Variants in KIF21A observed in about 807,000 individuals in gnomAD.
KIF21A encodes kinesin-like protein KIF21A.
KIF21A carries 114 observed loss-of-function variants against 202.9 expected under a neutral mutation model. The ratio of observed to expected loss-of-function variants is 0.56; its 90% CI spans 0.48 to 0.66. KIF21A has a LOEUF of 0.66. Ranked by LOEUF, KIF21A falls within the 30% of genes least tolerant of loss-of-function variation. The probability of loss-of-function intolerance (pLI) is 0.00; values close to 1 mark genes in which losing one functional copy is unlikely to be tolerated. For missense variants in KIF21A, 1,677 were observed against 1,994.9 expected (o/e 0.84, Z 3.04); for synonymous variants, 667 against 670.8 (o/e 0.99, Z 0.09).
Position 39,338,957 on chromosome 12 carries a change from A to G in KIF21A, c.2310+1208T>C, listed in dbSNP as rs74814826. 2.0e-5 allele frequency among the ~76,000 whole-genome samples: 3 copies of G among 152,314 alleles called. No homozygotes were observed. The East Asian group carries it at 5.8e-4, about 29-fold the overall frequency. The stretch of plus-strand genomic sequence containing the variant: ...TCTGCAAAGGGTAATAAAGCAAATC[A>G]CAGTAAAATCAGGAATGCCTGTAAA... On this transcript the variant is annotated intron_variant, in intron 16 of 37. Transcript: ENST00000361418.
intron 1 of KIF21A, among the ~76,000 whole-genome samples, chr12:39,425,143 A>G (rs575375991): frequency 1.3e-5 from 2 of 152,140 alleles, no homozygotes; most frequent in South Asian, 4.2e-4. Flanking sequence ...TCCAATATTC[A>G]GGTCTCAACT....
At chr12:39,362,989 ATCCTATTAG>A in intron 7 of KIF21A, 100 bp downstream of exon 7, 1 of 736,660 alleles carries the variant, frequency 1.4e-6, no homozygotes, top group East Asian at 2.6e-5. Flanking sequence ...TTAGTTCCTC[ATCCTATTAG>A]TTTGCTTTGC....
chr12:39,372,626 T>C (rs141595786), intron 1 of KIF21A, among the ~76,000 whole-genome samples: 229 of 152,358 alleles, frequency 1.5e-3, no homozygotes, highest in Non-Finnish European at 2.7e-3. Flanking sequence ...TTAAATGATA[T>C]TATAACAAAC....
At chr12:39,367,278 G>A in intron 4 of KIF21A, 114 bp from the exon 5 acceptor site, 1 of 1,099,618 alleles carries the variant, frequency 9.1e-7, no homozygotes, top group East Asian at 2.5e-5. Context: ...AAAAGATGTG[G>A]AATTTCACAT....
In KIF21A at chr12:39,443,099, G is replaced by A. The variant is rs1451543746; in HGVS notation, c.-129C>T. ...CGGGCGGCCGGCTCACCTCCGCCGCGCTCCAGCCATGTTGGGCGACTGAAT... is the reference window on the plus strand; with the variant it reads ...CGGGCGGCCGGCTCACCTCCGCCGCACTCCAGCCATGTTGGGCGACTGAAT... On this transcript the variant is annotated 5_prime_UTR_variant, in exon 1 of 38. Coordinates refer to ENST00000361418, the MANE Select transcript of KIF21A (RefSeq NM_001173464.2). 2.8e-5 allele frequency: 25 copies of A among 905,984 alleles called. No individual in the cohort carries two copies. Among genetic ancestry groups the A allele is most frequent in the Non-Finnish European group, 1.4e-5 (9 of 651,164 alleles). 56.1% of individuals were successfully genotyped at this position (905,984 alleles called of 1,614,324 possible).
intron 37 of KIF21A, among the ~76,000 whole-genome samples, chr12:39,297,419 G>C (rs966090622): frequency 2.0e-5 from 3 of 152,200 alleles, no homozygotes; most frequent in Admixed American, 6.5e-5. Context: ...AAAAAATGAT[G>C]ACTTCATGTC....
chr12:39,413,160 T>C (rs1953252819), intron 1 of KIF21A, among the ~76,000 whole-genome samples: 2 of 152,214 alleles, frequency 1.3e-5, no homozygotes, highest in African/African-American at 4.8e-5. Context: ...ATTACCTAAC[T>C]GAACTTCTTC....
intron 12 of KIF21A, among the ~76,000 whole-genome samples, chr12:39,342,506 T>C (rs1314247262): frequency 1.3e-5 from 2 of 152,186 alleles, no homozygotes; most frequent in Non-Finnish European, 2.9e-5. Context: ...AAAACTTCTC[T>C]CATATAAATA....
At chr12:39,390,461 G>A (rs1435656835) in intron 1 of KIF21A, among the ~76,000 whole-genome samples, 1 of 151,956 alleles carries the variant, frequency 6.6e-6, no homozygotes, top group Admixed American at 6.6e-5. Flanking sequence ...TTTCCTTGAA[G>A]GTAGTCTTTA....
intron 1 of KIF21A, among the ~76,000 whole-genome samples, chr12:39,428,951 C>T (rs1223658566): frequency 3.0e-4 from 44 of 145,034 alleles, no homozygotes; most frequent in African/African-American, 9.7e-4. Context: ...AGAGAGACTC[C>T]GTCTCAAAAA....
chr12:39,427,862 T>A (rs977276523), intron 1 of KIF21A, among the ~76,000 whole-genome samples: 1 of 152,170 alleles, frequency 6.6e-6, no homozygotes, highest in African/African-American at 2.4e-5. Flanking sequence ...TTTCACCATG[T>A]TGGCCAGGCT....
In KIF21A at chr12:39,315,293, G is replaced by GTCCTC. The variant is rs1944413752; in HGVS notation, c.3948-54_3948-53insGAGGA. On this transcript the variant is annotated intron_variant, in intron 30 of 37. Transcript: ENST00000361418. ...AAAACAAGGAAAACAAGTGCAAAGA[G>GTCCTC]GGAGGACATAAAATGATAATGGTGA... The GTCCTC allele has an allele frequency of 2.6e-6, 4 of 1,545,730 alleles. No homozygotes were observed. The Admixed American group carries it at 6.7e-5, about 26-fold the overall frequency.
intron 24 of KIF21A, among the ~76,000 whole-genome samples, chr12:39,329,506 G>A (rs1946307385): frequency 6.6e-6 from 1 of 151,506 alleles, no homozygotes; most frequent in Non-Finnish European, 1.5e-5. Flanking sequence ...AAGAGGAGGA[G>A]GAGAGAAAGA....
At chr12:39,429,814 G>A (rs947035081) in intron 1 of KIF21A, among the ~76,000 whole-genome samples, 2 of 152,058 alleles carry the variant, frequency 1.3e-5, no homozygotes, top group Non-Finnish European at 2.9e-5. Context: ...GTTTCAGGTA[G>A]ATGGAGAGGG....
At chr12:39,339,213 G>T (rs1202799785) in intron 16 of KIF21A, among the ~76,000 whole-genome samples, 2 of 140,858 alleles carry the variant, frequency 1.4e-5, no homozygotes, top group African/African-American at 5.6e-5. Flanking sequence ...TGGGAGGTGG[G>T]CAACAGAGCG....
intron 8 of KIF21A, among the ~76,000 whole-genome samples, chr12:39,357,836 GAGGCGGA>G (rs1011827703): frequency 2.7e-4 from 38 of 139,296 alleles, no homozygotes; most frequent in Admixed American, 2.2e-3. Flanking sequence ...TTTAACCCGG[GAGGCGGA>G]AGTTGCAGTG....
intron 10 of KIF21A, among the ~76,000 whole-genome samples, chr12:39,356,124 C>T (rs1451385335): frequency 2.6e-5 from 4 of 152,200 alleles, no homozygotes; most frequent in Non-Finnish European, 5.9e-5. Context: ...AACCGTGGAA[C>T]CTGAAAATAT....
Position 39,293,578 on chromosome 12 carries a change from TA to T in KIF21A, c.*845del, listed in dbSNP as rs886049334. ...TATTTAAAATATATTTAGCAGCATA[TA>T]AAAAATTAGATAAAAGGGAAGGAAA... On this transcript the variant is annotated 3_prime_UTR_variant, in exon 38 of 38. Transcript: ENST00000361418. The T allele has an allele frequency of 6.6e-6, 1 of 152,148 alleles. No individual in the cohort carries two copies. The highest frequency in any genetic ancestry group is 1.5e-5 in the Non-Finnish European group (1 of 67,890). The allele number at this position is 152,148 out of a possible 1,614,324, so 9.4% of individuals were successfully genotyped here.
chr12:39,408,976 C>A (rs564239812), intron 1 of KIF21A, among the ~76,000 whole-genome samples: 2 of 151,906 alleles, frequency 1.3e-5, no homozygotes, highest in African/African-American at 2.4e-5. Context: ...CGTGCCACCA[C>A]GCCCAGCTAA....
Sources: gnomAD v4.1 joint callset for allele counts (sites outside exome capture counted in the v4.1 genomes callset) on GRCh38, gnomAD v4.1.1 for gene constraint, MANE v1.5 for transcripts, NCBI Gene and HGNC (gene_info 2026-07-23, HGNC 2026-07-21) for gene names.